The following C4orf50 variants were observed in gnomAD, a reference collection of about 807,000 sequenced individuals.
C4orf50 encodes chromosome 4 open reading frame 50.
In C4orf50, 80 loss-of-function variants were observed where a neutral mutation model predicts 77.2. That is an observed-to-expected ratio of 1.04 (90% CI 0.87 to 1.25). The LOEUF is 1.25. Ranked by LOEUF, C4orf50 falls within the 50% of genes most tolerant of loss-of-function variation. C4orf50 has a pLI of 0.00. For missense variants in C4orf50, 1,257 were observed against 1,152.9 expected, an observed-to-expected ratio of 1.09 and a Z score of -1.31; for synonymous variants, 532 against 465.3, an observed-to-expected ratio of 1.14 and a Z score of -1.84.
chr4:6,018,327 G>A lies in C4orf50; in HGVS notation c.105C>T (p.Asp35=), dbSNP rs2108730764. The A allele has an allele frequency of 2.5e-6, 1 of 398,978 alleles. No homozygotes were observed. The highest frequency in any genetic ancestry group is 2.1e-5 in the African/African-American group (1 of 48,706). 24.7% of individuals were successfully genotyped at this position (398,978 alleles called of 1,614,324 possible). ...CCATGTCCTGGAATATCCAGGATGT[G>A]TCAATCTTCACATCAACGTTCATTA... The change falls in exon 23 of 34, where the codon GAC becomes GAT. Residue 35 remains aspartate, a synonymous_variant. Transcript: ENST00000531445. This position sits in a 1 kb window ranked among gnomAD's most constrained non-coding sequence, Gnocchi z 5.1.
In C4orf50 at chr4:6,008,417, C is replaced by T. The variant is rs1353379099; in HGVS notation, c.542G>A (p.Arg181Gln). The change falls in exon 25 of 34, where the codon CGG (arginine) becomes CAG (glutamine). Residue 181 changes from arginine to glutamine, a missense_variant. Transcript: ENST00000531445. This position sits in a 1 kb window ranked among gnomAD's most constrained non-coding sequence, Gnocchi z 6.0. ...GCCCAGCTGGCGCCGCTGGGTCCGC[C>T]GGCAGCGCTCCAGGGCCGCCGCCTG... is the stretch of plus-strand genomic sequence containing the variant. The T allele has an allele frequency of 1.8e-5, 7 of 395,324 alleles. No individual in the cohort carries two copies. Among genetic ancestry groups the T allele is most frequent in the Admixed American group, 4.4e-5 (1 of 22,574 alleles). 24.5% of individuals were successfully genotyped at this position (395,324 alleles called of 1,614,324 possible). A position where few individuals can be genotyped will look rare whatever the true frequency, so the allele number is the denominator to read the frequency against.
chr4:6,005,380 C>T (rs1722207807), intron 25 of C4orf50, among the ~76,000 whole-genome samples: 3 of 152,078 alleles, frequency 2.0e-5, no homozygotes, highest in Admixed American at 6.6e-5. Context: ...GCCACTGGGA[C>T]TTTTATAAGA....
chr4:5,903,801 A>G (rs891036936), intron 7 of C4orf50: 1 of 152,206 alleles, frequency 6.6e-6, no homozygotes, highest in Non-Finnish European at 1.5e-5. Flanking sequence ...TACGTTTTAG[A>G]GTTTTAGAGA....
chr4:5,965,068 C>T (rs767254847), exon 33 of C4orf50: 14 of 1,613,512 alleles, frequency 8.7e-6, no homozygotes, highest in South Asian at 2.2e-5. Flanking sequence ...CACTCCGGCT[C>T]GGGAATAGGC....
At chr4:5,935,311 G>A (rs1201707297) in intron 7 of C4orf50, among the ~76,000 whole-genome samples, 1 of 152,222 alleles carries the variant, frequency 6.6e-6, no homozygotes, top group East Asian at 1.9e-4. Flanking sequence ...TACGCCCCCA[G>A]TAACAGGGGG....
At chr4:5,926,289 C>T (rs547010442) in intron 7 of C4orf50, among the ~76,000 whole-genome samples, 5 of 152,234 alleles carry the variant, frequency 3.3e-5, no homozygotes, top group South Asian at 4.1e-4. Flanking sequence ...CCTGCTACGG[C>T]GGAGGCTGAC....
At chr4:5,912,321 T>C (rs1716843844) in intron 7 of C4orf50, among the ~76,000 whole-genome samples, 1 of 151,506 alleles carries the variant, frequency 6.6e-6, no homozygotes, top group Non-Finnish European at 1.5e-5. Context: ...CATGTAAGAA[T>C]GAATGAATGG....
At chr4:5,977,981 T>C (rs937119652) in intron 29 of C4orf50, among the ~76,000 whole-genome samples, 1 of 151,876 alleles carries the variant, frequency 6.6e-6, no homozygotes, top group Non-Finnish European at 1.5e-5. Flanking sequence ...AAAAAGAGAG[T>C]CAATTAACCC....
At chr4:5,961,069 C>A (rs1719246446) in intron 33 of C4orf50, among the ~76,000 whole-genome samples, 1 of 152,276 alleles carries the variant, frequency 6.6e-6, no homozygotes, top group East Asian at 1.9e-4. Context: ...GGACAAGGAA[C>A]TGAGGGCTCC....
At chr4:5,997,075 G>T (rs1303146772) in intron 25 of C4orf50, among the ~76,000 whole-genome samples, 1 of 152,236 alleles carries the variant, frequency 6.6e-6, no homozygotes, top group Non-Finnish European at 1.5e-5. Context: ...GGGAAAGGAA[G>T]AGACAGAAAT....
intron 7 of C4orf50, among the ~76,000 whole-genome samples, chr4:5,907,427 C>T (rs1348517798): frequency 2.6e-5 from 4 of 152,086 alleles, no homozygotes; most frequent in Non-Finnish European, 4.4e-5. Flanking sequence ...TAGGATAGAT[C>T]ACTTTTGGTG....
chr4:5,983,561 T>G (rs1720712367), intron 28 of C4orf50, among the ~76,000 whole-genome samples: 1 of 152,204 alleles, frequency 6.6e-6, no homozygotes, highest in South Asian at 2.1e-4. Context: ...TCACTGGTAT[T>G]GGACAACTAT....
chr4:6,012,303 A>G (rs73071525), intron 23 of C4orf50, among the ~76,000 whole-genome samples: 66 of 152,248 alleles, frequency 4.3e-4, no homozygotes, highest in African/African-American at 1.6e-3. Flanking sequence ...GGTGGTTTCA[A>G]TGAATCCTCA....
In C4orf50 at chr4:5,916,362, C is replaced by T. The variant is rs980477847; in HGVS notation, c.*2475-18174G>A. Among the ~76,000 whole-genome samples, 9 of 151,484 alleles carry T rather than the reference C, an allele frequency of 5.9e-5. No individual in the cohort carries two copies. Among genetic ancestry groups the T allele is most frequent in the Middle Eastern group, 3.4e-3 (1 of 294 alleles). On this transcript the variant is annotated intron_variant, in intron 7 of 7. Coordinates refer to the C4orf50 transcript ENST00000324058. The surrounding 1 kb of genome is among the most constrained non-coding windows in gnomAD (Gnocchi z 4.4). ...GGAGAGGGGTGGGGCTTAACCACGC[C>T]GAACAGACAGCCTTGGGTCCCTGCC...
chr4:5,989,741 G>C (rs768556784), exon 28 of C4orf50: 1 of 1,535,044 alleles, frequency 6.5e-7, no homozygotes, highest in Non-Finnish European at 8.7e-7. Flanking sequence ...GGAAACAGTG[G>C]CAAACCTGTC....
chr4:5,957,261 C>T (rs371684368), exon 34 of C4orf50: 1 of 152,302 alleles, frequency 6.6e-6, no homozygotes, highest in Admixed American at 6.5e-5. Context: ...AGACGACGGA[C>T]GTCTGAGCTC....
intron 29 of C4orf50, among the ~76,000 whole-genome samples, chr4:5,978,930 T>C (rs1720425682): frequency 1.3e-5 from 2 of 152,180 alleles, no homozygotes; most frequent in African/African-American, 4.8e-5. Context: ...AACATAAAAC[T>C]CTACATATAA....
rs144992894 is a variant in C4orf50 at position 5,916,646 on chromosome 4, G to A, written c.*2475-18458C>T. The stretch of plus-strand genomic sequence containing the variant: ...GGGGTGCAGGTGGTTTATTTGGGGG[G>A]AGATCCCAGAAGTAGGAGTGAGGGA... On this transcript the variant is annotated intron_variant, in intron 7 of 7. Coordinates refer to the C4orf50 transcript ENST00000324058. This position sits in a 1 kb window ranked among gnomAD's most constrained non-coding sequence, Gnocchi z 4.4. Among the ~76,000 whole-genome samples the A allele has an allele frequency of 3.9e-5, 6 of 152,314 alleles. No homozygotes were observed. The highest frequency in any genetic ancestry group is 1.4e-4 in the African/African-American group (6 of 41,570).
At position 6,018,195 on chromosome 4, in the gene C4orf50, C is replaced by G; in HGVS notation, c.237G>C (p.Leu79=). Residue 79 remains leucine, a synonymous_variant, in exon 23 of 34, where the codon CTG becomes CTC. Coordinates refer to ENST00000531445, the Ensembl canonical transcript of C4orf50. This position sits in a 1 kb window ranked among gnomAD's most constrained non-coding sequence, Gnocchi z 5.1. ...TCACGTACTTGTCCTCTGCTGCTGA[C>G]AGCTTCTGCTCGGAGGACTCCAGCT... 1 of 399,020 alleles carries G rather than the reference C, an allele frequency of 2.5e-6. No homozygotes were observed. The allele number at this position is 399,020 out of a possible 1,614,324, so 24.7% of individuals were successfully genotyped here. A position where few individuals can be genotyped will look rare whatever the true frequency, so the allele number is the denominator to read the frequency against.
Sources: gnomAD v4.1 joint callset for allele counts (sites outside exome capture counted in the v4.1 genomes callset) on GRCh38, gnomAD v4.1.1 for gene constraint, Gnocchi (gnomAD v3.1) non-coding constraint, MANE v1.5 for transcripts, NCBI Gene and HGNC (gene_info 2026-07-23, HGNC 2026-07-21) for gene names.